Variants in TTC13 observed in about 807,000 individuals in gnomAD.
TTC13 encodes the protein tetratricopeptide repeat domain 13.
TTC13 carries 62 observed loss-of-function variants against 120.0 expected under a neutral mutation model. The observed-to-expected ratio is 0.52, with a 90% CI of 0.42 to 0.64. The LOEUF (loss-of-function observed/expected upper bound fraction) is 0.64. Ranked by LOEUF, TTC13 falls within the 30% of genes least tolerant of loss-of-function variation. The probability of loss-of-function intolerance (pLI) is 0.00; values close to 1 mark genes in which losing one functional copy is unlikely to be tolerated. For synonymous variants in TTC13, 384 were observed against 393.5 expected (o/e 0.98, Z 0.28); for missense variants, 824 against 1,050.2 (o/e 0.78, Z 2.98).
At chr1:230,966,371 T>C (rs1030335250) in intron 1 of TTC13, among the ~76,000 whole-genome samples, 1 of 152,228 alleles carries the variant, frequency 6.6e-6, no homozygotes, top group Admixed American at 6.5e-5. Context: ...TAGGATGGCA[T>C]TAAAATTGTA....
At chr1:230,945,030 TA>T (rs1007203811) in intron 5 of TTC13, among the ~76,000 whole-genome samples, 9 of 152,184 alleles carry the variant, frequency 5.9e-5, no homozygotes, top group African/African-American at 2.2e-4. Context: ...TTTACATGCC[TA>T]AAAAAACCTT....
intron 1 of TTC13, among the ~76,000 whole-genome samples, chr1:230,975,033 T>G: frequency 6.6e-6 from 1 of 152,158 alleles, no homozygotes; most frequent in East Asian, 1.9e-4. Flanking sequence ...GCTCTACTCT[T>G]TACTGTATAA....
intron 2 of TTC13, 91 bp from the exon 3 acceptor site, chr1:230,958,390 T>A: frequency 7.1e-7 from 1 of 1,406,778 alleles, no homozygotes; most frequent in Non-Finnish European, 9.5e-7. Context: ...AAATTAAAAT[T>A]AAGGCTACAT....
chr1:230,955,331 T>C (rs1675950054), intron 3 of TTC13, among the ~76,000 whole-genome samples: 1 of 152,152 alleles, frequency 6.6e-6, no homozygotes, highest in African/African-American at 2.4e-5. Flanking sequence ...ATGAAAACTT[T>C]TACTGTCATT....
intron 11 of TTC13, among the ~76,000 whole-genome samples, chr1:230,929,385 G>A (rs996925481): frequency 1.4e-4 from 21 of 148,624 alleles, no homozygotes; most frequent in African/African-American, 5.0e-4. Flanking sequence ...TGCAATCTTG[G>A]CTCACTGCAA....
chr1:230,977,923 T>G (rs1678510125), intron 1 of TTC13, among the ~76,000 whole-genome samples: 1 of 152,258 alleles, frequency 6.6e-6, no homozygotes, highest in Non-Finnish European at 1.5e-5. Context: ...GCTCAAGGCC[T>G]GCAGGGGCCT....
intron 1 of TTC13, among the ~76,000 whole-genome samples, chr1:230,972,715 C>A (rs557740428): frequency 1.1e-4 from 17 of 152,286 alleles, no homozygotes; most frequent in African/African-American, 3.1e-4. Context: ...TAATAATTAA[C>A]CCTTATCACC....
At chr1:230,935,643 G>A (rs1330593058) in intron 8 of TTC13, among the ~76,000 whole-genome samples, 3 of 152,118 alleles carry the variant, frequency 2.0e-5, no homozygotes, top group Non-Finnish European at 4.4e-5. Context: ...GGCCAGGAAA[G>A]GAAGGGCCTC....
At chr1:230,971,264 T>C (rs913655906) in intron 1 of TTC13, among the ~76,000 whole-genome samples, 3 of 143,100 alleles carry the variant, frequency 2.1e-5, no homozygotes, top group Non-Finnish European at 3.0e-5. Flanking sequence ...GAGAATGGCA[T>C]GGACCCAGGA....
Position 230,944,299 on chromosome 1 carries a change from G to T in TTC13, c.580-401C>A, listed in dbSNP as rs1674783940. Among the ~76,000 whole-genome samples the T allele has an allele frequency of 6.6e-6, 1 of 152,190 alleles. No homozygotes were observed. Among genetic ancestry groups the T allele is most frequent in the African/African-American group, 2.4e-5 (1 of 41,440 alleles). On this transcript the variant is annotated intron_variant, in intron 5 of 22. Coordinates refer to ENST00000366661, the MANE Select transcript of TTC13 (RefSeq NM_024525.5). This position sits in a 1 kb window ranked among gnomAD's most constrained non-coding sequence, Gnocchi z 4.0. ...AAGACAGTGTCTATCAAAAACATAA[G>T]CCTATAAATCTATACCTTAAGAAGT...
At chr1:230,972,490 A>C (rs1039725290) in intron 1 of TTC13, among the ~76,000 whole-genome samples, 2 of 152,266 alleles carry the variant, frequency 1.3e-5, no homozygotes, top group African/African-American at 4.8e-5. Flanking sequence ...CTGCAAGATA[A>C]GATGAGCCCA....
At chr1:230,922,445 T>C (rs1202134277) in intron 15 of TTC13, among the ~76,000 whole-genome samples, 1 of 152,214 alleles carries the variant, frequency 6.6e-6, no homozygotes, top group Non-Finnish European at 1.5e-5. Context: ...GCAAATCTGT[T>C]CCTGTTACTT....
chr1:230,931,521 G>A, intron 10 of TTC13, 49 bp from the exon 11 acceptor site: 1 of 1,595,352 alleles, frequency 6.3e-7, no homozygotes, highest in Non-Finnish European at 8.6e-7. Context: ...GGAAAACTTT[G>A]AAATGCTTTA....
intron 14 of TTC13, 48 bp from the exon 15 acceptor site, chr1:230,923,981 C>A: frequency 6.9e-7 from 1 of 1,448,688 alleles, no homozygotes; most frequent in Non-Finnish European, 9.6e-7. Context: ...AGAAGCATTC[C>A]AAATAAAACA....
intron 8 of TTC13, among the ~76,000 whole-genome samples, chr1:230,935,004 A>G (rs1216007456): frequency 6.6e-6 from 1 of 152,246 alleles, no homozygotes; most frequent in East Asian, 1.9e-4. Flanking sequence ...AGGACAAGAC[A>G]GGCTGGTGTG....
intron 2 of TTC13, among the ~76,000 whole-genome samples, chr1:230,958,774 T>G (rs1444231877): frequency 6.6e-6 from 1 of 152,156 alleles, no homozygotes; most frequent in African/African-American, 2.4e-5. Context: ...GAAGATCACT[T>G]GAGCTCCGGA....
chr1:230,959,248 C>G (rs1184960402), intron 2 of TTC13, among the ~76,000 whole-genome samples: 1 of 152,080 alleles, frequency 6.6e-6, no homozygotes, highest in Non-Finnish European at 1.5e-5. Context: ...GGGACGAGGA[C>G]AGAAATGAAA....
chr1:230,940,544 G>C lies in TTC13; in HGVS notation c.685C>G (p.Leu229Val), dbSNP rs1331053455. The change falls in exon 7 of 23, where the codon CTG becomes GTG. Residue 229 changes from leucine (L) to valine (V), a missense_variant. By Grantham distance (32) the Leu-to-Val change is conservative (BLOSUM62 1). Transcript: ENST00000366661. This position sits in a 1 kb window ranked among gnomAD's most constrained non-coding sequence, Gnocchi z 4.1. ...FEQRAEILSPLGRINEAVNDL... is the reference protein window; with the variant it reads ...FEQRAEILSPVGRINEAVNDL... ...TTCACTGCTTCATTAATTCGTCCCA[G>C]AGGGGACAGAATCTAGAAATCCCAA... 1 of 1,609,130 alleles carries C rather than the reference G, an allele frequency of 6.2e-7. No individual in the cohort carries two copies. The highest frequency in any genetic ancestry group is 8.5e-7 in the Non-Finnish European group (1 of 1,176,176).
intron 2 of TTC13, among the ~76,000 whole-genome samples, chr1:230,959,589 G>A (rs183186321): frequency 0.015 from 2,330 of 152,210 alleles, 23 homozygotes; most frequent in Middle Eastern, 0.031. Flanking sequence ...CCATGTTGGT[G>A]AGGCTGGTCT....
Sources: allele counts gnomAD v4.1 joint callset (sites outside exome capture counted in the v4.1 genomes callset), GRCh38; gene constraint gnomAD v4.1.1; non-coding constraint Gnocchi (gnomAD v3.1); transcripts MANE v1.5; gene names NCBI Gene and HGNC (gene_info 2026-07-23, HGNC 2026-07-21).